Variants in NBAS observed in about 807,000 individuals in gnomAD.
NBAS encodes NBAS subunit of NRZ tethering complex.
In NBAS, 219 loss-of-function variants were observed where a neutral mutation model predicts 302.5. That is an observed-to-expected ratio of 0.72 (90% CI 0.65 to 0.81). NBAS has a LOEUF of 0.81. Ranked by LOEUF, NBAS falls within the 30% of genes least tolerant of loss-of-function variation. The pLI is 0.00. For missense variants in NBAS, 2,932 were observed against 2,841.6 expected (o/e 1.03, Z -0.72); for synonymous variants, 1,118 against 1,021.6 (o/e 1.09, Z -1.80).
intron 38 of NBAS, among the ~76,000 whole-genome samples, chr2:15,315,514 C>T (rs1241122675): frequency 6.6e-6 from 1 of 152,210 alleles, no homozygotes; most frequent in Non-Finnish European, 1.5e-5. Flanking sequence ...GTTACTTATT[C>T]CCCAAAGGGG....
At chr2:14,809,740 TG>T in the NBAS span, among the ~76,000 whole-genome samples, 3 of 152,142 alleles carry the variant, frequency 2.0e-5, no homozygotes, top group African/African-American at 7.2e-5. Flanking sequence ...GACCCCCAAA[TG>T]GTAGACTCAC....
chr2:14,822,461 A>G, the NBAS span, among the ~76,000 whole-genome samples: 2 of 152,212 alleles, frequency 1.3e-5, no homozygotes, highest in Non-Finnish European at 2.9e-5. Context: ...GATACATAGT[A>G]TGGAATTTCA....
the NBAS span, among the ~76,000 whole-genome samples, chr2:14,828,994 C>A: frequency 1.3e-5 from 2 of 151,448 alleles, no homozygotes; most frequent in Non-Finnish European, 2.9e-5. Context: ...TGAGACTGTA[C>A]AATTAATGCT....
the NBAS span, among the ~76,000 whole-genome samples, chr2:14,996,500 G>A: frequency 6.6e-6 from 1 of 152,094 alleles, no homozygotes; most frequent in African/African-American, 2.4e-5. Context: ...CCAAATCACG[G>A]GACATCTGCT....
At chr2:15,392,184 G>T (rs1675639947) in intron 28 of NBAS, among the ~76,000 whole-genome samples, 1 of 151,740 alleles carries the variant, frequency 6.6e-6, no homozygotes. Flanking sequence ...ATAGTTTACT[G>T]CTTGCAAATA....
At chr2:15,256,531 C>A (rs896498117) in intron 44 of NBAS, among the ~76,000 whole-genome samples, 1 of 152,102 alleles carries the variant, frequency 6.6e-6, no homozygotes, top group African/African-American at 2.4e-5. Context: ...AATATGGACA[C>A]CCTTTATTTT....
intron 40 of NBAS, 73 bp downstream of exon 40, chr2:15,308,143 A>T: frequency 6.3e-7 from 1 of 1,597,866 alleles, no homozygotes; most frequent in South Asian, 1.1e-5. Flanking sequence ...TCCAAAAATT[A>T]AACACGTGTT....
At chr2:15,077,621 A>G in the NBAS span, among the ~76,000 whole-genome samples, 21,712 of 152,038 alleles carry the variant, frequency 0.14, 4,160 homozygotes, top group African/African-American at 0.43. Context: ...ATAATGAAGC[A>G]TGGGATTCAT....
chr2:15,025,149 TAAGA>T, the NBAS span, among the ~76,000 whole-genome samples: 1 of 152,328 alleles, frequency 6.6e-6, no homozygotes, highest in Admixed American at 6.5e-5. Flanking sequence ...GTATATGGTA[TAAGA>T]AAGAGGTCCA....
chr2:14,967,308 G>A, the NBAS span, among the ~76,000 whole-genome samples: 15 of 152,108 alleles, frequency 9.9e-5, no homozygotes, highest in East Asian at 1.2e-3. Context: ...AAATTCACAC[G>A]GAAATTCTAA....
At chr2:15,393,477 G>A (rs542138377) in intron 28 of NBAS, among the ~76,000 whole-genome samples, 1 of 152,196 alleles carries the variant, frequency 6.6e-6, no homozygotes, top group Non-Finnish European at 1.5e-5. Flanking sequence ...TGCAGCAACT[G>A]TAACTCTCCT....
At chr2:15,238,721 G>A (rs755850887) in intron 44 of NBAS, 35 bp from the exon 45 acceptor site, 11 of 1,569,512 alleles carry the variant, frequency 7.0e-6, no homozygotes, top group Non-Finnish European at 9.6e-6. Flanking sequence ...AAAGAACCCT[G>A]CATTATTACC....
chr2:15,307,906 A>G (rs1032386117), intron 40 of NBAS, among the ~76,000 whole-genome samples: 4 of 152,230 alleles, frequency 2.6e-5, no homozygotes, highest in Non-Finnish European at 4.4e-5. Flanking sequence ...GTAAGTTAAA[A>G]AAACAATTCT....
the NBAS span, among the ~76,000 whole-genome samples, chr2:14,788,852 C>G: frequency 6.6e-6 from 1 of 152,214 alleles, no homozygotes; most frequent in Non-Finnish European, 1.5e-5. Context: ...AACCACTGCT[C>G]TCTTCAAAGC....
intron 8 of NBAS, among the ~76,000 whole-genome samples, chr2:15,535,604 A>G (rs1450237020): frequency 6.6e-6 from 1 of 151,992 alleles, no homozygotes; most frequent in Non-Finnish European, 1.5e-5. Context: ...GTATTTTCAT[A>G]TAACCCACAC....
the NBAS span, among the ~76,000 whole-genome samples, chr2:14,791,191 G>T: frequency 3.1e-4 from 47 of 151,470 alleles, no homozygotes; most frequent in South Asian, 9.6e-3. Flanking sequence ...GTGTTTCTCC[G>T]TGTTGGTCAG....
intron 12 of NBAS, among the ~76,000 whole-genome samples, chr2:15,486,324 C>T (rs1238138790): frequency 6.6e-6 from 1 of 152,138 alleles, no homozygotes; most frequent in African/African-American, 2.4e-5. Flanking sequence ...AAGAAAATGA[C>T]ATATAATCCT....
At chr2:15,413,898 T>C (rs1403341406) in intron 25 of NBAS, among the ~76,000 whole-genome samples, 1 of 152,232 alleles carries the variant, frequency 6.6e-6, no homozygotes, top group Non-Finnish European at 1.5e-5. Flanking sequence ...AATGGCTGTA[T>C]GTTTTGTTCA....
the NBAS span, among the ~76,000 whole-genome samples, chr2:15,063,937 T>C: frequency 6.6e-6 from 1 of 152,214 alleles, no homozygotes; most frequent in African/African-American, 2.4e-5. Flanking sequence ...AGATATAGAG[T>C]GTGGAGCTAT....
Sources: allele counts gnomAD v4.1 joint callset (sites outside exome capture counted in the v4.1 genomes callset), GRCh38; gene constraint gnomAD v4.1.1; transcripts MANE v1.5; gene names NCBI Gene and HGNC (gene_info 2026-07-23, HGNC 2026-07-21).